Variants in TENM4 observed in about 807,000 individuals in gnomAD.
TENM4 encodes the protein teneurin transmembrane protein 4.
TENM4 carries 82 observed loss-of-function variants against 243.3 expected under a neutral mutation model. That is an observed-to-expected ratio of 0.34 (90% CI 0.28 to 0.40). The LOEUF (loss-of-function observed/expected upper bound fraction) is 0.40. Ranked by LOEUF, TENM4 falls within the 10% of genes least tolerant of loss-of-function variation. The pLI is 1.00. For synonymous variants in TENM4, 1,412 were observed against 1,456.3 expected (o/e 0.97, Z 0.69); for missense variants, 3,138 against 3,673.3 (o/e 0.85, Z 3.77).
chr11:79,259,838 G>T (rs565904162), intron 2 of TENM4, among the ~76,000 whole-genome samples: 1 of 152,342 alleles, frequency 6.6e-6, no homozygotes, highest in Admixed American at 6.5e-5. Flanking sequence ...ACTCTCTTTT[G>T]TTGTCATTTA....
intron 3 of TENM4, among the ~76,000 whole-genome samples, chr11:79,195,284 A>T (rs1026820532): frequency 1.3e-5 from 2 of 152,194 alleles, no homozygotes; most frequent in Non-Finnish European, 2.9e-5. Flanking sequence ...CCCCATAGAG[A>T]GTCCCTACTG....
At chr11:79,195,835 A>G (rs775205994) in intron 3 of TENM4, among the ~76,000 whole-genome samples, 3 of 152,122 alleles carry the variant, frequency 2.0e-5, no homozygotes, top group Non-Finnish European at 4.4e-5. Flanking sequence ...ATGTGAGGAC[A>G]TGAGATTTGG....
intron 3 of TENM4, among the ~76,000 whole-genome samples, chr11:79,158,238 A>C (rs1384841067): frequency 6.6e-6 from 1 of 152,200 alleles, no homozygotes; most frequent in Non-Finnish European, 1.5e-5. Context: ...ACTCATAGAC[A>C]CTTAAGCTTT....
Position 78,722,651 on chromosome 11 carries a change from A to C in TENM4, c.3800+17T>G, listed in dbSNP as rs772844011. ...GCATATTATTAGGAACTATGAAGAAAGCATCACCTTACATACCTCAGCTCT... is the reference window on the plus strand; with the variant it reads ...GCATATTATTAGGAACTATGAAGAACGCATCACCTTACATACCTCAGCTCT... On this transcript the variant is annotated intron_variant, in intron 24 of 33. Coordinates refer to ENST00000278550, the MANE Select transcript of TENM4 (RefSeq NM_001098816.3). The C allele has an allele frequency of 6.2e-7, 1 of 1,605,332 alleles. No homozygotes were observed. The highest frequency in any genetic ancestry group is 1.1e-5 in the South Asian group (1 of 90,852).
chr11:79,135,203 T>G (rs1016759412), intron 4 of TENM4, among the ~76,000 whole-genome samples: 1 of 151,932 alleles, frequency 6.6e-6, no homozygotes, highest in African/African-American at 2.4e-5. Context: ...CAGGCAATTC[T>G]CAAAAGAAGA....
At chr11:78,771,193 C>G in intron 17 of TENM4, 55 bp from the exon 18 acceptor site, 1 of 1,537,394 alleles carries the variant, frequency 6.5e-7, no homozygotes, top group Non-Finnish European at 8.8e-7. Flanking sequence ...ACTGCCATCA[C>G]ACACACTAAC....
At chr11:79,264,061 T>C (rs1855842142) in intron 2 of TENM4, among the ~76,000 whole-genome samples, 2 of 152,152 alleles carry the variant, frequency 1.3e-5, no homozygotes, top group African/African-American at 4.8e-5. Flanking sequence ...GAATGGACAT[T>C]GTGTAATGAG....
intron 1 of TENM4, among the ~76,000 whole-genome samples, chr11:79,329,864 A>C (rs191212090): frequency 6.6e-6 from 1 of 152,292 alleles, no homozygotes; most frequent in East Asian, 1.9e-4. Flanking sequence ...GTTTTAAAGA[A>C]GGGAATGACA....
At chr11:79,316,116 G>A (rs1856798693) in intron 1 of TENM4, among the ~76,000 whole-genome samples, 1 of 152,160 alleles carries the variant, frequency 6.6e-6, no homozygotes, top group Non-Finnish European at 1.5e-5. Context: ...CTGGGACACT[G>A]GTGATTTTTA....
intron 15 of TENM4, among the ~76,000 whole-genome samples, chr11:78,792,373 C>T (rs1857074380): frequency 6.6e-6 from 1 of 152,160 alleles, no homozygotes; most frequent in Non-Finnish European, 1.5e-5. Flanking sequence ...CCTGGACTTC[C>T]TCTCAAAATC....
chr11:78,708,056 G>A (rs1859300175), intron 27 of TENM4, among the ~76,000 whole-genome samples: 1 of 152,222 alleles, frequency 6.6e-6, no homozygotes, highest in Non-Finnish European at 1.5e-5. Flanking sequence ...AAGTTCAGGT[G>A]GCAATGGATT....
At chr11:78,940,484 T>C (rs998619113) in intron 6 of TENM4, among the ~76,000 whole-genome samples, 1 of 152,228 alleles carries the variant, frequency 6.6e-6, no homozygotes, top group Non-Finnish European at 1.5e-5. Context: ...AATTCCTCTT[T>C]CCTGGGGATG....
At chr11:79,247,835 AAGCATTTG>A (rs1019582347) in intron 2 of TENM4, among the ~76,000 whole-genome samples, 16 of 152,232 alleles carry the variant, frequency 1.1e-4, no homozygotes, top group African/African-American at 3.9e-4. Context: ...TGGACTTCCA[AAGCATTTG>A]AGCACTGCCT....
intron 9 of TENM4, among the ~76,000 whole-genome samples, chr11:78,881,199 G>A (rs984148690): frequency 2.0e-5 from 3 of 152,180 alleles, no homozygotes; most frequent in African/African-American, 7.2e-5. Context: ...AGAGCCCTGT[G>A]CATGGCTAGG....
intron 1 of TENM4, among the ~76,000 whole-genome samples, chr11:79,356,653 C>G (rs761203658): frequency 2.6e-5 from 4 of 151,862 alleles, no homozygotes; most frequent in Non-Finnish European, 5.9e-5. Flanking sequence ...TAATAGATAA[C>G]GAAAGGGCTT....
At chr11:79,421,124 G>C (rs1443345744) in intron 1 of TENM4, among the ~76,000 whole-genome samples, 1 of 152,140 alleles carries the variant, frequency 6.6e-6, no homozygotes, top group African/African-American at 2.4e-5. Context: ...ATCACAAGTA[G>C]AGGCATTCGA....
intron 2 of TENM4, among the ~76,000 whole-genome samples, chr11:79,278,046 G>A (rs1856090385): frequency 6.6e-6 from 1 of 152,182 alleles, no homozygotes; most frequent in African/African-American, 2.4e-5. Flanking sequence ...CAAAAACAAG[G>A]TCCTCCTGGT....
intron 2 of TENM4, among the ~76,000 whole-genome samples, chr11:79,248,431 C>T (rs1855556602): frequency 6.6e-6 from 1 of 152,170 alleles, no homozygotes; most frequent in Non-Finnish European, 1.5e-5. Context: ...ATTTTGCTGG[C>T]CACACAGAGT....
chr11:79,436,025 A>T (rs1308589791), intron 1 of TENM4, among the ~76,000 whole-genome samples: 1 of 152,190 alleles, frequency 6.6e-6, no homozygotes, highest in Non-Finnish European at 1.5e-5. Flanking sequence ...GGCTGGATGC[A>T]AGGTTGGTGG....
Sources: allele counts gnomAD v4.1 joint callset (sites outside exome capture counted in the v4.1 genomes callset), GRCh38; gene constraint gnomAD v4.1.1; transcripts MANE v1.5; gene names NCBI Gene and HGNC (gene_info 2026-07-23, HGNC 2026-07-21).